WDPCP: variants seen among roughly 807,000 people sequenced by gnomAD.
The protein encoded by WDPCP is WD repeat containing planar cell polarity effector.
A neutral mutation model predicts 93.1 loss-of-function variants in WDPCP; 71 were observed. That is an observed-to-expected ratio of 0.76 (90% CI 0.63 to 0.93). The LOEUF (loss-of-function observed/expected upper bound fraction) is 0.93. WDPCP is among the 40% of genes least tolerant of loss of function. The pLI, the probability that WDPCP is intolerant of heterozygous loss-of-function variation, is 0.00. For missense variants in WDPCP, 844 were observed against 887.4 expected, an observed-to-expected ratio of 0.95 and a Z score of 0.62; for synonymous variants, 315 against 315.0, an observed-to-expected ratio of 1.00 and a Z score of 0.00.
At position 63,437,518 on chromosome 2, in the gene WDPCP, A is replaced by G. The variant is rs768268182; in HGVS notation, c.536T>C (p.Leu179Ser). 1.3e-6 allele frequency: 2 copies of G among 1,595,830 alleles called. No homozygotes were observed. The highest frequency in any genetic ancestry group is 1.7e-6 in the Non-Finnish European group (2 of 1,171,218). Residue 179 changes from leucine to serine, a missense_variant, in exon 8 of 18, where the codon TTG becomes TCG. Physicochemically the swap from Leu to Ser is moderately radical, Grantham distance 145 (BLOSUM62 -2). Coordinates refer to ENST00000272321, the MANE Select transcript of WDPCP (RefSeq NM_015910.7). ...AATAAAACATAGTTTGTTTTGTGCC[A>G]AAAATGATAAGATGATAAAACTGTC... is the stretch of plus-strand genomic sequence containing the variant. ...LTDSFIILSFLAQNKLCFIQF... is the reference protein window; with the variant it reads ...LTDSFIILSFSAQNKLCFIQF...
intron 1 of WDPCP, among the ~76,000 whole-genome samples, chr2:63,502,363 T>C (rs1342800232): frequency 6.6e-6 from 1 of 152,222 alleles, no homozygotes; most frequent in South Asian, 2.1e-4. Flanking sequence ...CATGAAAATA[T>C]ACATACACAC....
At chr2:63,435,579 C>CT (rs1334752295) in intron 8 of WDPCP, among the ~76,000 whole-genome samples, 1 of 152,086 alleles carries the variant, frequency 6.6e-6, no homozygotes, top group Non-Finnish European at 1.5e-5. Flanking sequence ...CAATGAGTGA[C>CT]TGACATTTTC....
chr2:63,836,063 C>A, the WDPCP span, among the ~76,000 whole-genome samples: 1 of 152,182 alleles, frequency 6.6e-6, no homozygotes, highest in African/African-American at 2.4e-5. Flanking sequence ...TCACGTTGGC[C>A]AGGCTGCTCT....
intron 2 of WDPCP, among the ~76,000 whole-genome samples, chr2:63,708,270 T>C (rs1669199645): frequency 6.6e-6 from 1 of 152,218 alleles, no homozygotes; most frequent in African/African-American, 2.4e-5. Context: ...TGTGGTGGGC[T>C]CCACACAGTT....
At chr2:63,626,716 A>T (rs997581166) in intron 3 of WDPCP, among the ~76,000 whole-genome samples, 3 of 152,230 alleles carry the variant, frequency 2.0e-5, no homozygotes, top group Admixed American at 1.3e-4. Context: ...GAACGATTTT[A>T]CACTGTTGGT....
chr2:63,628,068 C>T (rs1223543646), intron 3 of WDPCP, among the ~76,000 whole-genome samples: 2 of 152,204 alleles, frequency 1.3e-5, no homozygotes, highest in Non-Finnish European at 2.9e-5. Flanking sequence ...CTGGCACCCG[C>T]CCACCTGCGT....
At chr2:63,669,654 C>T (rs1487248893) in intron 2 of WDPCP, among the ~76,000 whole-genome samples, 2 of 152,132 alleles carry the variant, frequency 1.3e-5, no homozygotes, top group Non-Finnish European at 2.9e-5. Context: ...GCCACCGTGC[C>T]CAGCCTAATT....
chr2:63,452,054 C>T (rs1463978628), intron 6 of WDPCP, among the ~76,000 whole-genome samples: 2 of 152,194 alleles, frequency 1.3e-5, no homozygotes, highest in Non-Finnish European at 2.9e-5. Flanking sequence ...CCCTCTCTCA[C>T]CACTCCTATT....
At chr2:63,210,628 C>T (rs1235065508) in intron 14 of WDPCP, among the ~76,000 whole-genome samples, 1 of 152,144 alleles carries the variant, frequency 6.6e-6, no homozygotes, top group African/African-American at 2.4e-5. Flanking sequence ...GGGTGCAGCC[C>T]ATGGACTGTG....
intron 9 of WDPCP, among the ~76,000 whole-genome samples, chr2:63,413,593 C>T (rs753376763): frequency 1.3e-5 from 2 of 151,994 alleles, no homozygotes; most frequent in African/African-American, 2.4e-5. Context: ...GTCAGGAGAT[C>T]GAGACCATCC....
At chr2:63,508,085 C>T (rs1485710421) in intron 1 of WDPCP, among the ~76,000 whole-genome samples, 1 of 152,094 alleles carries the variant, frequency 6.6e-6, no homozygotes, top group African/African-American at 2.4e-5. Context: ...ATACAGAGAA[C>T]ACCACAAAGA....
intron 3 of WDPCP, among the ~76,000 whole-genome samples, chr2:63,630,755 A>G (rs181507985): frequency 4.6e-5 from 7 of 152,356 alleles, no homozygotes; most frequent in Admixed American, 3.9e-4. Flanking sequence ...ACTCAACAAC[A>G]TCAACCAACA....
chr2:63,692,982 T>C (rs1668911235), intron 2 of WDPCP, among the ~76,000 whole-genome samples: 1 of 152,190 alleles, frequency 6.6e-6, no homozygotes, highest in Non-Finnish European at 1.5e-5. Flanking sequence ...ATAAATTCAT[T>C]TAATTCTCAA....
At chr2:63,354,582 C>T (rs1224231875) in intron 12 of WDPCP, among the ~76,000 whole-genome samples, 1 of 152,162 alleles carries the variant, frequency 6.6e-6, no homozygotes, top group Non-Finnish European at 1.5e-5. Flanking sequence ...GTGCCACCAG[C>T]TGGATCACAC....
rs371415696 is a variant in WDPCP at position 63,313,287 on chromosome 2, A to G, written c.1773T>C (p.Phe591=). 5 of 1,613,674 alleles carry G rather than the reference A, an allele frequency of 3.1e-6. No individual in the cohort carries two copies. The African/African-American group carries it at 6.7e-5, about 22-fold the overall frequency. The part of the protein sequence containing the change: ...LLRYQRFEKA[F]LLAVDVGARD... The stretch of plus-strand genomic sequence containing the variant: ...GAGCACCAACGTCAACAGCTAGGAG[A>G]AATGCCTTTTCAAACCTCTGGTACC... The change falls in exon 13 of 18, where the codon TTT becomes TTC. Residue 591 remains phenylalanine (F), a synonymous_variant. Transcript: ENST00000272321.
At chr2:63,579,890 A>G (rs1708383330) in intron 1 of WDPCP, among the ~76,000 whole-genome samples, 1 of 152,220 alleles carries the variant, frequency 6.6e-6, no homozygotes, top group Non-Finnish European at 1.5e-5. Context: ...AGAGGTGATT[A>G]GGTCATGAGG....
chr2:63,417,375 C>T (rs1256983716), intron 9 of WDPCP, among the ~76,000 whole-genome samples: 2 of 152,072 alleles, frequency 1.3e-5, no homozygotes, highest in Non-Finnish European at 1.5e-5. Flanking sequence ...CAATAAAACA[C>T]TATTGATGGA....
chr2:63,734,968 G>A (rs1399474943), intron 2 of WDPCP, among the ~76,000 whole-genome samples: 1 of 152,100 alleles, frequency 6.6e-6, no homozygotes, highest in Admixed American at 6.6e-5. Flanking sequence ...CCTGTGAGTG[G>A]TTCTAATTTA....
intron 2 of WDPCP, among the ~76,000 whole-genome samples, chr2:63,759,650 G>A (rs1323736162): frequency 1.3e-5 from 2 of 152,136 alleles, no homozygotes; most frequent in Non-Finnish European, 2.9e-5. Flanking sequence ...AGCAGCCAGG[G>A]GCCCCTGCCC....
Sources: allele counts gnomAD v4.1 joint callset (sites outside exome capture counted in the v4.1 genomes callset), GRCh38; gene constraint gnomAD v4.1.1; transcripts MANE v1.5; gene names NCBI Gene and HGNC (gene_info 2026-07-23, HGNC 2026-07-21).